Variants in MPP7 observed in about 807,000 individuals in gnomAD.
The protein encoded by MPP7 is MAGUK p55 scaffold protein 7, also known as MAGUK p55 subfamily member 7.
In MPP7, 60 loss-of-function variants were observed where a neutral mutation model predicts 76.5. The ratio of observed to expected loss-of-function variants is 0.78; its 90% CI spans 0.64 to 0.97. The LOEUF is 0.97. Among genes scored for constraint, MPP7 ranks in the 50% least tolerant of loss-of-function variants. The probability of loss-of-function intolerance (pLI) is 0.00; values close to 1 mark genes in which losing one functional copy is unlikely to be tolerated. For synonymous variants in MPP7, 237 were observed against 244.5 expected, an observed-to-expected ratio of 0.97 and a Z score of 0.29; for missense variants, 641 against 694.0, an observed-to-expected ratio of 0.92 and a Z score of 0.86.
chr10:28,303,007 A>G lies in MPP7; in HGVS notation c.-278T>C, dbSNP rs1436435500. On this transcript the variant is annotated 5_prime_UTR_variant, in exon 1 of 17. Transcript: ENST00000683449. ...GGCTCGGCACCGCCGCGGCGGGCGC[A>G]GAACGCACGAGCCCAGTGGGAGCCC... Among the ~76,000 whole-genome samples, 1 of 150,118 alleles carries G rather than the reference A, an allele frequency of 6.7e-6. No individual in the cohort carries two copies. The highest frequency in any genetic ancestry group is 1.9e-4 in the East Asian group (1 of 5,132).
chr10:28,232,097 C>CTG (rs1170097875), intron 2 of MPP7, among the ~76,000 whole-genome samples: 1 of 152,146 alleles, frequency 6.6e-6, no homozygotes, highest in Non-Finnish European at 1.5e-5. Context: ...TAGCTCACAC[C>CTG]TGTAACCCCA....
In MPP7 at chr10:28,177,416, A is replaced by AG. The variant is rs1425070985; in HGVS notation, c.156+24736_156+24737insC. Among the ~76,000 whole-genome samples the AG allele has an allele frequency of 5.3e-5, 8 of 150,148 alleles. No homozygotes were observed. In the East Asian group the frequency reaches 1.6e-3, roughly 30 times the overall value. ...CAGTGAGACTCCATTTCAAAAAAAA[A>AG]AAAAAGAGTTCTTACTGATTCACTT... On this transcript the variant is annotated intron_variant, in intron 3 of 16. Transcript: ENST00000683449.
intron 1 of MPP7, among the ~76,000 whole-genome samples, chr10:28,252,661 G>A (rs978387301): frequency 4.0e-5 from 6 of 149,798 alleles, no homozygotes; most frequent in Admixed American, 1.3e-4. Flanking sequence ...ATACAGAGGC[G>A]TTAAAAGGCA....
intron 2 of MPP7, among the ~76,000 whole-genome samples, chr10:28,211,163 G>T (rs1379775832): frequency 6.6e-6 from 1 of 151,858 alleles, no homozygotes; most frequent in Non-Finnish European, 1.5e-5. Context: ...CAGTGGCACG[G>T]TCACAGCTCA....
At chr10:28,055,874 T>C (rs1456791463) in intron 16 of MPP7, among the ~76,000 whole-genome samples, 3 of 148,982 alleles carry the variant, frequency 2.0e-5, no homozygotes, top group Non-Finnish European at 2.9e-5. Context: ...GTATACAAAA[T>C]AGTTTTGAGT....
intron 12 of MPP7, among the ~76,000 whole-genome samples, chr10:28,070,559 G>A (rs1170403864): frequency 6.6e-6 from 1 of 151,992 alleles, no homozygotes; most frequent in African/African-American, 2.4e-5. Context: ...ACTTTATTTG[G>A]GATGCAAATT....
intron 2 of MPP7, among the ~76,000 whole-genome samples, chr10:28,206,924 T>C (rs547894190): frequency 3.3e-5 from 5 of 152,316 alleles, no homozygotes; most frequent in South Asian, 2.1e-4. Flanking sequence ...ACGTTTTTTT[T>C]CTCCCATTGT....
intron 1 of MPP7, among the ~76,000 whole-genome samples, chr10:28,282,955 C>A (rs1039832877): frequency 1.3e-5 from 2 of 151,898 alleles, no homozygotes. Flanking sequence ...AAAAAAGATA[C>A]CTTTTTCTGG....
intron 2 of MPP7, among the ~76,000 whole-genome samples, chr10:28,235,516 T>A (rs2134129531): frequency 6.6e-6 from 1 of 152,158 alleles, no homozygotes; most frequent in Admixed American, 6.5e-5. Context: ...ATATTAAAAA[T>A]ATACATGGAA....
intron 1 of MPP7, among the ~76,000 whole-genome samples, chr10:28,281,658 T>G (rs1258990379): frequency 6.6e-6 from 1 of 152,112 alleles, no homozygotes; most frequent in East Asian, 1.9e-4. Flanking sequence ...CTTTGGTATG[T>G]GCCAGGCACT....
At chr10:28,180,445 T>C (rs1333489699) in intron 3 of MPP7, among the ~76,000 whole-genome samples, 1 of 152,140 alleles carries the variant, frequency 6.6e-6, no homozygotes, top group Non-Finnish European at 1.5e-5. Flanking sequence ...AGAAAATGAA[T>C]ATGAACTTTC....
intron 12 of MPP7, among the ~76,000 whole-genome samples, chr10:28,073,526 T>C (rs1221189400): frequency 1.3e-5 from 2 of 152,080 alleles, no homozygotes; most frequent in South Asian, 4.2e-4. Flanking sequence ...TCCCAGCACT[T>C]TGGGAGGCCA....
chr10:28,083,558 A>G (rs1198242284), intron 12 of MPP7, among the ~76,000 whole-genome samples: 3 of 95,732 alleles, frequency 3.1e-5, no homozygotes, highest in African/African-American at 4.2e-5. Context: ...TTTTTTTGAG[A>G]TGGAGCTTCG....
intron 8 of MPP7, among the ~76,000 whole-genome samples, chr10:28,121,812 TA>T (rs35378187): frequency 2.5e-3 from 365 of 145,016 alleles, no homozygotes; most frequent in Middle Eastern, 3.6e-3. Flanking sequence ...TCCATTTATT[TA>T]AAAAAAAAAA....
At chr10:28,272,942 G>C (rs1419740418) in intron 1 of MPP7, among the ~76,000 whole-genome samples, 1 of 151,974 alleles carries the variant, frequency 6.6e-6, no homozygotes, top group Non-Finnish European at 1.5e-5. Context: ...TTTTGAGATG[G>C]AGTCTCACTT....
chr10:28,056,441 G>A (rs118187581), intron 16 of MPP7, 39 bp downstream of exon 16: 176,796 of 1,591,614 alleles, frequency 0.11, 10,741 homozygotes, highest in Non-Finnish European at 0.12. Context: ...TTACAGGTGT[G>A]GGCCACCACA....
intron 2 of MPP7, among the ~76,000 whole-genome samples, chr10:28,209,541 G>C (rs765904706): frequency 1.3e-5 from 2 of 151,654 alleles, no homozygotes; most frequent in Non-Finnish European, 1.5e-5. Flanking sequence ...CTTTGTTTTC[G>C]ATGTTCTTTC....
chr10:28,222,599 A>C (rs1838547617), intron 2 of MPP7, among the ~76,000 whole-genome samples: 1 of 152,136 alleles, frequency 6.6e-6, no homozygotes, highest in Non-Finnish European at 1.5e-5. Context: ...CACGCCTGTA[A>C]TCCCAGCACT....
chr10:28,204,918 G>A (rs1192867407), intron 2 of MPP7, among the ~76,000 whole-genome samples: 1 of 152,198 alleles, frequency 6.6e-6, no homozygotes, highest in Non-Finnish European at 1.5e-5. Flanking sequence ...CATATGGAAA[G>A]TGTTAACTTT....
Sources: allele counts gnomAD v4.1 joint callset (sites outside exome capture counted in the v4.1 genomes callset), GRCh38; gene constraint gnomAD v4.1.1; transcripts MANE v1.5; gene names NCBI Gene and HGNC (gene_info 2026-07-23, HGNC 2026-07-21).